BTAF1: variants seen among roughly 807,000 people sequenced by gnomAD.
BTAF1 encodes the protein B-TFIID TATA-box binding protein associated factor 1.
A neutral mutation model predicts 227.1 loss-of-function variants in BTAF1; 38 were observed. The observed-to-expected ratio is 0.17, with a 90% confidence interval of 0.13 to 0.22. BTAF1 has a LOEUF of 0.22. BTAF1 is among the 10% of genes least tolerant of loss of function. The pLI is 1.00. For synonymous variants in BTAF1, 742 were observed against 751.9 expected (o/e 0.99, Z 0.21); for missense variants, 1,598 against 2,204.0 (o/e 0.73, Z 5.51).
At chr10:91,953,625 G>A (rs1284210020) in intron 5 of BTAF1, 112 bp from the exon 6 acceptor site, 4 of 1,166,690 alleles carry the variant, frequency 3.4e-6, no homozygotes, top group South Asian at 1.7e-5. Flanking sequence ...AAAAGAATGT[G>A]ATCGATGTAT....
At chr10:91,981,960 A>G in intron 16 of BTAF1, 123 bp from the exon 17 acceptor site, 9 of 1,371,758 alleles carry the variant, frequency 6.6e-6, no homozygotes, top group Non-Finnish European at 8.7e-6. Flanking sequence ...ATGTTTATCC[A>G]TTAAAATTTT....
chr10:91,942,988 T>A (rs1035113361), intron 4 of BTAF1, among the ~76,000 whole-genome samples: 3 of 152,270 alleles, frequency 2.0e-5, no homozygotes, highest in African/African-American at 4.8e-5. Context: ...ATTATTGGGT[T>A]TACTCATGCT....
In BTAF1 at chr10:92,026,755, A is replaced by G. The variant is rs768032330; in HGVS notation, c.5235+4A>G. The G allele has an allele frequency of 1.2e-6, 2 of 1,610,372 alleles. No individual in the cohort carries two copies. The highest frequency in any genetic ancestry group is 1.7e-5 in the Admixed American group (1 of 59,126). On this transcript the variant is annotated splice_donor_region_variant and intron_variant, in intron 36 of 37. Coordinates refer to ENST00000265990, the MANE Select transcript of BTAF1 (RefSeq NM_003972.3). ...CCGGGCCCATCGCATTGGGCAGGTA[A>G]AAGTCAATTTTACCTCACAGATGTT...
rs1440776318 is a variant in BTAF1 at position 92,018,816 on chromosome 10, C to G, written c.4744C>G (p.Pro1582Ala). ...GTACTTACGTAAACTGTGCAACCAT[C>G]CAGCATTAGTCTTAACACCTCAACA... is the stretch of plus-strand genomic sequence containing the variant. ...LQYLRKLCNH[P>A]ALVLTPQHPE... is the part of the protein sequence containing the mutation. The change falls in exon 34 of 38, where the codon CCA (proline) becomes GCA (alanine). Residue 1582 changes from proline to alanine, a missense_variant. This residue lies in a region of BTAF1 where 205 missense variants were observed against 244.5 expected (regional missense o/e 0.84). Transcript: ENST00000265990. The G allele has an allele frequency of 6.3e-7, 1 of 1,599,646 alleles. No individual in the cohort carries two copies. The highest frequency in any genetic ancestry group is 8.5e-7 in the Non-Finnish European group (1 of 1,175,814).
chr10:92,009,462 A>G (rs1850156051), intron 28 of BTAF1, among the ~76,000 whole-genome samples: 1 of 152,186 alleles, frequency 6.6e-6, no homozygotes, highest in East Asian at 1.9e-4. Context: ...GCCATTTTGT[A>G]TGCCCCTTTT....
chr10:92,030,846 A>C lies in BTAF1; in HGVS notation c.*1913A>C, dbSNP rs565803126. On this transcript the variant is annotated 3_prime_UTR_variant, in exon 38 of 38. Coordinates refer to ENST00000265990, the MANE Select transcript of BTAF1 (RefSeq NM_003972.3). Reference sequence around the variant, plus strand: ...GTAAAATAGTAAATCACACATTCCAACTTTTCCATAGAAAGGAAAACATGT... The same window carrying C: ...GTAAAATAGTAAATCACACATTCCACCTTTTCCATAGAAAGGAAAACATGT... Among the ~76,000 whole-genome samples, 1 of 152,302 alleles carries C rather than the reference A, an allele frequency of 6.6e-6. No individual in the cohort carries two copies. Among genetic ancestry groups the C allele is most frequent in the East Asian group, 1.9e-4 (1 of 5,188 alleles).
chr10:91,958,705 A>AAAAC (rs754032455), intron 8 of BTAF1, among the ~76,000 whole-genome samples: 2 of 152,060 alleles, frequency 1.3e-5, no homozygotes, highest in Non-Finnish European at 2.9e-5. Flanking sequence ...TCCATCTCGA[A>AAAAC]AAACAAACAA....
intron 5 of BTAF1, among the ~76,000 whole-genome samples, chr10:91,952,237 G>C (rs1036470039): frequency 1.3e-5 from 2 of 152,056 alleles, no homozygotes; most frequent in African/African-American, 4.8e-5. Context: ...ACAGCTTAAT[G>C]TGTCAGTATA....
At chr10:91,992,840 C>G (rs1762590021) in intron 21 of BTAF1, among the ~76,000 whole-genome samples, 1 of 152,138 alleles carries the variant, frequency 6.6e-6, no homozygotes, top group Admixed American at 6.5e-5. Context: ...CATTGGTCCA[C>G]CTGTTACACC....
intron 13 of BTAF1, among the ~76,000 whole-genome samples, chr10:91,964,862 G>A (rs1846777327): frequency 6.6e-6 from 1 of 152,064 alleles, no homozygotes; most frequent in East Asian, 1.9e-4. Context: ...AGAGAATAGT[G>A]TCCTTAGAGA....
Position 91,989,265 on chromosome 10 carries a change from C to G in BTAF1, c.2539C>G (p.Gln847Glu), listed in dbSNP as rs768310189. The G allele has an allele frequency of 3.7e-6, 6 of 1,614,064 alleles. No individual in the cohort carries two copies. The Admixed American group carries it at 8.3e-5, about 22-fold the overall frequency. The change falls in exon 20 of 38, where the codon CAG becomes GAG. Residue 847 changes from glutamine to glutamate, a missense_variant. Around this residue, in one of 10 missense-constraint regions of BTAF1, gnomAD observed 425 missense variants for 491.2 expected, o/e 0.87. Coordinates refer to ENST00000265990, the MANE Select transcript of BTAF1 (RefSeq NM_003972.3). ...CCAAATGACAGTTACAGAGACCAAC[C>G]AGGAGTGGCAAGTGTTGCAGTTGAG... ...QVQMTVTETN[Q>E]EWQVLQLRVH...
At chr10:91,931,428 T>C (rs1365554247) in intron 1 of BTAF1, among the ~76,000 whole-genome samples, 3 of 152,234 alleles carry the variant, frequency 2.0e-5, no homozygotes, top group African/African-American at 7.2e-5. Context: ...CTGTGTCTCC[T>C]CCATCTGTCT....
chr10:91,935,924 T>A, intron 2 of BTAF1, 144 bp downstream of exon 2: 4 of 272,394 alleles, frequency 1.5e-5, no homozygotes, highest in Non-Finnish European at 2.4e-5. Context: ...AGACTTAAAC[T>A]TTTTTTTTTT....
intron 14 of BTAF1, among the ~76,000 whole-genome samples, chr10:91,968,590 G>A (rs548044082): frequency 6.6e-6 from 1 of 152,182 alleles, no homozygotes; most frequent in South Asian, 2.1e-4. Flanking sequence ...TATGGTAAGG[G>A]TATGTTGACT....
Position 91,989,575 on chromosome 10 carries a change from C to G in BTAF1, c.2849C>G (p.Ser950Cys). 3 of 1,594,776 alleles carry G rather than the reference C, an allele frequency of 1.9e-6. No individual in the cohort carries two copies. In the East Asian group the frequency reaches 6.7e-5, roughly 36 times the overall value. ...CCAACACAAAGTGGCCAGGAAAATT[C>G]TAAAGGTATATACCTAAACTTTTAT... ...PVPTQSGQEN[S>C]KGSTSEKDGM... The change falls in exon 20 of 38, where the codon TCT (serine) becomes TGT (cysteine). Residue 950 changes from serine (S) to cysteine (C), a missense_variant. This residue lies in a region of BTAF1 where 425 missense variants were observed against 491.2 expected (regional missense o/e 0.87). Coordinates refer to ENST00000265990, the MANE Select transcript of BTAF1 (RefSeq NM_003972.3).
intron 28 of BTAF1, among the ~76,000 whole-genome samples, chr10:92,009,771 G>A (rs78286947): frequency 0.012 from 1,859 of 152,270 alleles, 17 homozygotes; most frequent in Non-Finnish European, 0.02. Context: ...CTGCAGTCAT[G>A]GCTGCACTAA....
At chr10:91,926,105 G>A (rs1384477426) in intron 1 of BTAF1, among the ~76,000 whole-genome samples, 1 of 152,074 alleles carries the variant, frequency 6.6e-6, no homozygotes. Flanking sequence ...TCTTTGAATG[G>A]CAAATTTTAG....
Position 92,031,017 on chromosome 10 carries a change from AGTT to A in BTAF1, c.*2085_*2087del, listed in dbSNP as rs1851861944. Among the ~76,000 whole-genome samples, 1 of 152,182 alleles carries A rather than the reference AGTT, an allele frequency of 6.6e-6. No individual in the cohort carries two copies. The highest frequency in any genetic ancestry group is 1.5e-5 in the Non-Finnish European group (1 of 68,024). ...AATTTCATGGATGTGATGATTTGGT[AGTT>A]TTTTCAATGTATGGGTGTGGGAAGT... On this transcript the variant is annotated 3_prime_UTR_variant, in exon 38 of 38. Transcript: ENST00000265990.
rs950238734 is a variant in BTAF1 at position 92,030,307 on chromosome 10, T to C, written c.*1374T>C. The C allele has an allele frequency of 1.3e-5, 2 of 152,526 alleles. No homozygotes were observed. Among genetic ancestry groups the C allele is most frequent in the South Asian group, 2.1e-4 (1 of 4,836 alleles). 9.4% of individuals were successfully genotyped at this position (152,526 alleles called of 1,614,324 possible). A position where few individuals can be genotyped will look rare whatever the true frequency, so the allele number is the denominator to read the frequency against. ...CTAGCATTCCACAAGAGAATAAATA[T>C]AAGATTGAAACTGTAAAATATATGC... On this transcript the variant is annotated 3_prime_UTR_variant, in exon 38 of 38. Transcript: ENST00000265990.
Sources: allele counts gnomAD v4.1 joint callset (sites outside exome capture counted in the v4.1 genomes callset), GRCh38; gene constraint gnomAD v4.1.1; regional missense constraint gnomAD v4.1.1; transcripts MANE v1.5; gene names NCBI Gene and HGNC (gene_info 2026-07-23, HGNC 2026-07-21).